The following ZDHHC14 variants were observed in gnomAD, a reference collection of about 807,000 sequenced individuals.
The protein encoded by ZDHHC14 is zDHHC palmitoyltransferase 14.
Under a neutral mutation model 47.7 loss-of-function variants are expected in ZDHHC14, and 16 were observed. The ratio of observed to expected loss-of-function variants is 0.34; its 90% CI spans 0.23 to 0.51. The LOEUF (loss-of-function observed/expected upper bound fraction) is 0.51, where lower values mean the gene tolerates loss of function less well. Ranked by LOEUF, ZDHHC14 falls within the 20% of genes least tolerant of loss-of-function variation. The pLI, the probability that ZDHHC14 is intolerant of heterozygous loss-of-function variation, is 0.97. For synonymous variants in ZDHHC14, 293 were observed against 278.9 expected (o/e 1.05, Z -0.50); for missense variants, 515 against 662.5 (o/e 0.78, Z 2.44).
chr6:157,446,203 A>G (rs1216744865), intron 1 of ZDHHC14, among the ~76,000 whole-genome samples: 1 of 152,008 alleles, frequency 6.6e-6, no homozygotes, highest in Non-Finnish European at 1.5e-5. Flanking sequence ...TATCATCTGG[A>G]GATTATCTCC....
At chr6:157,633,875 A>T (rs1018155234) in intron 5 of ZDHHC14, among the ~76,000 whole-genome samples, 1 of 152,070 alleles carries the variant, frequency 6.6e-6, no homozygotes, top group Admixed American at 6.5e-5. Flanking sequence ...CTGGTCTCAA[A>T]CTGCTGACCT....
intron 2 of ZDHHC14, among the ~76,000 whole-genome samples, chr6:157,570,784 C>T (rs1279635181): frequency 6.7e-6 from 1 of 150,122 alleles, no homozygotes; most frequent in Admixed American, 6.6e-5. Context: ...TATATATACA[C>T]ACACACACAC....
At chr6:157,493,342 G>C (rs1779976249) in intron 1 of ZDHHC14, among the ~76,000 whole-genome samples, 1 of 152,240 alleles carries the variant, frequency 6.6e-6, no homozygotes, top group African/African-American at 2.4e-5. Flanking sequence ...GGGACGGTCT[G>C]AGGGCTGGCA....
intron 5 of ZDHHC14, among the ~76,000 whole-genome samples, chr6:157,640,073 C>T (rs1435131426): frequency 4.6e-5 from 7 of 152,148 alleles, no homozygotes; most frequent in Admixed American, 3.3e-4. Context: ...CTCCGATTCG[C>T]GGAGGCCAAA....
intron 4 of ZDHHC14, chr6:157,630,489 C>T (rs1254221259): frequency 1.3e-5 from 2 of 152,074 alleles, no homozygotes; most frequent in Non-Finnish European, 2.9e-5. Flanking sequence ...TCTAGCCACA[C>T]TCACACTCAT....
At chr6:157,473,148 A>G (rs941563487) in intron 1 of ZDHHC14, among the ~76,000 whole-genome samples, 1 of 152,224 alleles carries the variant, frequency 6.6e-6, no homozygotes, top group Admixed American at 6.5e-5. Flanking sequence ...TAGCTCACAT[A>G]CTTATCATTT....
intron 8 of ZDHHC14, among the ~76,000 whole-genome samples, chr6:157,664,319 C>A (rs1042514466): frequency 2.6e-5 from 4 of 152,166 alleles, no homozygotes; most frequent in African/African-American, 9.7e-5. Flanking sequence ...TTGGTTCTAT[C>A]ATATTTTCCC....
chr6:157,664,141 C>T (rs761780071), intron 8 of ZDHHC14, among the ~76,000 whole-genome samples: 2 of 152,208 alleles, frequency 1.3e-5, no homozygotes, highest in African/African-American at 2.4e-5. Flanking sequence ...GTCCCTGAGG[C>T]TCTGTGCTTT....
chr6:157,592,966 CTT>C lies in ZDHHC14; in HGVS notation c.407-20_407-19del. ...GAGGGAGGCTCTGAAGGTGTGCGCTCTTTCTCTTCTTTTCTCCACAGATATCG... is the reference window on the plus strand; with the variant it reads ...GAGGGAGGCTCTGAAGGTGTGCGCTCTCTCTTCTTTTCTCCACAGATATCG... On this transcript the variant is annotated intron_variant, in intron 2 of 8. Transcript: ENST00000359775. The C allele has an allele frequency of 6.2e-7, 1 of 1,602,966 alleles. No individual in the cohort carries two copies. The highest frequency in any genetic ancestry group is 8.5e-7 in the Non-Finnish European group (1 of 1,175,304).
intron 1 of ZDHHC14, among the ~76,000 whole-genome samples, chr6:157,482,564 T>C (rs1003529742): frequency 6.6e-6 from 1 of 151,928 alleles, no homozygotes; most frequent in East Asian, 1.9e-4. Context: ...CCAACGTCTA[T>C]ATTTCATTTG....
chr6:157,571,895 C>T (rs1783113123), intron 2 of ZDHHC14, among the ~76,000 whole-genome samples: 1 of 148,952 alleles, frequency 6.7e-6, no homozygotes, highest in Non-Finnish European at 1.5e-5. Flanking sequence ...TTAATTTTGT[C>T]CTGCCTGCTA....
At chr6:157,395,213 T>G (rs1290457311) in intron 1 of ZDHHC14, among the ~76,000 whole-genome samples, 3 of 151,672 alleles carry the variant, frequency 2.0e-5, no homozygotes, top group Admixed American at 6.6e-5. Context: ...CAGGCTAGAA[T>G]GTAGTGGCAT....
Position 157,632,819 on chromosome 6 carries a change from G to A in ZDHHC14, c.704-15G>A. ...GTTTCTATCTGAATACTAAATGTTG[G>A]TTTCATTCCCACAGGTTCACAGCAA... On this transcript the variant is annotated splice_polypyrimidine_tract_variant and intron_variant, in intron 4 of 8. Transcript: ENST00000359775. 1 of 1,613,962 alleles carries A rather than the reference G, an allele frequency of 6.2e-7. No homozygotes were observed. Among genetic ancestry groups the A allele is most frequent in the Non-Finnish European group, 8.5e-7 (1 of 1,179,882 alleles).
chr6:157,536,777 A>T (rs951100383), intron 1 of ZDHHC14, among the ~76,000 whole-genome samples: 1 of 148,084 alleles, frequency 6.8e-6, no homozygotes, highest in African/African-American at 2.6e-5. Flanking sequence ...ATATCTATCT[A>T]TCTGTCTGCC....
intron 3 of ZDHHC14, among the ~76,000 whole-genome samples, chr6:157,613,129 G>A (rs753595037): frequency 6.6e-6 from 1 of 152,164 alleles, no homozygotes; most frequent in Non-Finnish European, 1.5e-5. Context: ...TGTGACTGAC[G>A]CAACCTACAC....
At chr6:157,397,432 TC>T (rs1777544555) in intron 1 of ZDHHC14, among the ~76,000 whole-genome samples, 1 of 152,172 alleles carries the variant, frequency 6.6e-6, no homozygotes, top group Non-Finnish European at 1.5e-5. Context: ...AAATTCTCTT[TC>T]CTTGCCTTTT....
chr6:157,413,282 G>A (rs1265829029), intron 1 of ZDHHC14, among the ~76,000 whole-genome samples: 2 of 152,154 alleles, frequency 1.3e-5, no homozygotes, highest in Non-Finnish European at 2.9e-5. Context: ...CACAGCAGAC[G>A]ACTGGGGACA....
At chr6:157,588,276 T>TATAA (rs1223897806) in intron 2 of ZDHHC14, among the ~76,000 whole-genome samples, 1 of 150,784 alleles carries the variant, frequency 6.6e-6, no homozygotes, top group Non-Finnish European at 1.5e-5. Flanking sequence ...TAAATAAATA[T>TATAA]ATAAATAAAT....
At chr6:157,451,072 C>T (rs752264197) in intron 1 of ZDHHC14, among the ~76,000 whole-genome samples, 2 of 151,290 alleles carry the variant, frequency 1.3e-5, no homozygotes, top group African/African-American at 2.4e-5. Flanking sequence ...GAGATCTGAC[C>T]GCTTGTCAAG....
Sources: allele counts gnomAD v4.1 joint callset (sites outside exome capture counted in the v4.1 genomes callset), GRCh38; gene constraint gnomAD v4.1.1; transcripts MANE v1.5; gene names NCBI Gene and HGNC (gene_info 2026-07-23, HGNC 2026-07-21).